The following DLG2 variants were observed in gnomAD, a reference collection of about 807,000 sequenced individuals.
The protein encoded by DLG2 is disks large homolog 2.
DLG2 carries 45 observed loss-of-function variants against 132.5 expected under a neutral mutation model. That is an observed-to-expected ratio of 0.34 (90% CI 0.27 to 0.44). DLG2 has a LOEUF of 0.44. DLG2 is among the 20% of genes least tolerant of loss of function. The pLI, the probability that DLG2 is intolerant of heterozygous loss-of-function variation, is 1.00. For synonymous variants in DLG2, 424 were observed against 419.6 expected (o/e 1.01, Z -0.13); for missense variants, 1,045 against 1,196.9 (o/e 0.87, Z 1.87).
At chr11:85,421,278 C>A (rs1160845942) in intron 3 of DLG2, among the ~76,000 whole-genome samples, 1 of 152,052 alleles carries the variant, frequency 6.6e-6, no homozygotes, top group Non-Finnish European at 1.5e-5. Context: ...GTTGCACCCA[C>A]TGTTTAACCA....
intron 22 of DLG2, among the ~76,000 whole-genome samples, chr11:83,481,122 A>C (rs1387647058): frequency 6.6e-6 from 1 of 152,096 alleles, no homozygotes; most frequent in East Asian, 1.9e-4. Context: ...CAGGCAGGAG[A>C]TAAATGGCCT....
rs1414256263 is a variant in DLG2, at chr11:83,465,778, C to T, written c.2729+930G>A. Among the ~76,000 whole-genome samples, 8 of 152,118 alleles carry T rather than the reference C, an allele frequency of 5.3e-5. No individual in the cohort carries two copies. In the South Asian group the frequency reaches 1.2e-3, roughly 24 times the overall value. Reference sequence around the variant, plus strand: ...CTATGAGGTATTTATTAGTATGCCTCGTTTCGAGGTGAGGAGCTAAATCTT... The same window carrying T: ...CTATGAGGTATTTATTAGTATGCCTTGTTTCGAGGTGAGGAGCTAAATCTT... On this transcript the variant is annotated intron_variant, in intron 26 of 27. Transcript: ENST00000376104.
intron 6 of DLG2, among the ~76,000 whole-genome samples, chr11:84,703,951 C>A (rs2059514974): frequency 6.8e-6 from 1 of 146,166 alleles, no homozygotes; most frequent in Admixed American, 6.9e-5. Context: ...ATACATTCCC[C>A]AGAATAGCAC....
chr11:85,266,003 C>T (rs915775952), intron 4 of DLG2, among the ~76,000 whole-genome samples: 2 of 152,332 alleles, frequency 1.3e-5, no homozygotes, highest in South Asian at 2.1e-4. Context: ...AATGTGGGTA[C>T]CCAAAAAGGC....
intron 21 of DLG2, among the ~76,000 whole-genome samples, chr11:83,496,184 A>C (rs542604143): frequency 1.6e-4 from 24 of 147,422 alleles, no homozygotes; most frequent in Non-Finnish European, 2.8e-4. Context: ...ATTTAACATA[A>C]GATATATATA....
chr11:85,502,991 A>C (rs564630504), intron 3 of DLG2, among the ~76,000 whole-genome samples: 29 of 152,246 alleles, frequency 1.9e-4, no homozygotes, highest in Admixed American at 3.9e-4. Context: ...TATACCAATA[A>C]AAAATGAACA....
intron 2 of DLG2, among the ~76,000 whole-genome samples, chr11:85,602,405 T>G (rs1162423806): frequency 6.6e-6 from 1 of 152,108 alleles, no homozygotes; most frequent in African/African-American, 2.4e-5. Context: ...TCTTTTTTCT[T>G]TCTGTCTTTG....
intron 10 of DLG2, among the ~76,000 whole-genome samples, chr11:84,094,824 C>A (rs539413145): frequency 1.3e-5 from 2 of 152,194 alleles, no homozygotes; most frequent in South Asian, 4.1e-4. Context: ...AAGGCCATAG[C>A]AATTTATAAT....
intron 3 of DLG2, among the ~76,000 whole-genome samples, chr11:85,485,142 A>T (rs1565565544): frequency 6.6e-6 from 1 of 152,006 alleles, no homozygotes; most frequent in Non-Finnish European, 1.5e-5. Context: ...CATAGGTGGG[A>T]ATTGAACAAT....
chr11:84,670,583 A>G (rs920999207), intron 6 of DLG2, among the ~76,000 whole-genome samples: 9 of 152,132 alleles, frequency 5.9e-5, no homozygotes, highest in African/African-American at 2.2e-4. Context: ...CTGGTGGCAT[A>G]ATATAATAAT....
intron 7 of DLG2, among the ~76,000 whole-genome samples, chr11:84,292,363 T>G (rs1425188829): frequency 6.6e-6 from 1 of 152,156 alleles, no homozygotes; most frequent in Non-Finnish European, 1.5e-5. Context: ...TAGGTAAGTT[T>G]GAAAAATGGG....
intron 6 of DLG2, among the ~76,000 whole-genome samples, chr11:85,070,412 A>T (rs2065669856): frequency 6.6e-6 from 1 of 151,822 alleles, no homozygotes; most frequent in South Asian, 2.1e-4. Flanking sequence ...CTAAGTGTTT[A>T]TCAGTAGATA....
intron 12 of DLG2, among the ~76,000 whole-genome samples, chr11:83,978,312 G>T (rs1014671080): frequency 6.6e-6 from 1 of 151,940 alleles, no homozygotes; most frequent in Admixed American, 6.6e-5. Flanking sequence ...AAACTCATAT[G>T]GAACCGTGAG....
chr11:83,686,002 CTCTG>C (rs1371402374), intron 18 of DLG2, among the ~76,000 whole-genome samples: 3 of 152,030 alleles, frequency 2.0e-5, no homozygotes, highest in Non-Finnish European at 4.4e-5. Context: ...AAAATGTACC[CTCTG>C]TCTTTTTTCC....
At chr11:84,120,288 TAGAC>T (rs2093845213) in intron 9 of DLG2, among the ~76,000 whole-genome samples, 1 of 152,098 alleles carries the variant, frequency 6.6e-6, no homozygotes, top group Non-Finnish European at 1.5e-5. Context: ...ATAAACTAAG[TAGAC>T]CCAAATGGAA....
chr11:83,734,398 T>TC (rs2091579284), intron 18 of DLG2, among the ~76,000 whole-genome samples: 1 of 144,352 alleles, frequency 6.9e-6, no homozygotes. Flanking sequence ...CTTCCTTCCT[T>TC]CCTTCCTTCC....
intron 4 of DLG2, among the ~76,000 whole-genome samples, chr11:85,253,473 G>A (rs138477908): frequency 6.6e-6 from 1 of 152,136 alleles, no homozygotes; most frequent in East Asian, 1.9e-4. Flanking sequence ...CCAGAGGGAG[G>A]GTGAATAGAA....
intron 3 of DLG2, among the ~76,000 whole-genome samples, chr11:85,549,029 T>A (rs2076500130): frequency 6.6e-6 from 1 of 151,650 alleles, no homozygotes; most frequent in African/African-American, 2.4e-5. Flanking sequence ...TGAGCACCAC[T>A]GGGGTATGAA....
At chr11:84,842,245 T>A (rs1409745035) in intron 6 of DLG2, among the ~76,000 whole-genome samples, 1 of 151,984 alleles carries the variant, frequency 6.6e-6, no homozygotes, top group East Asian at 1.9e-4. Context: ...CAAAATACTT[T>A]ACCTGAATTA....
Sources: allele counts gnomAD v4.1 joint callset (sites outside exome capture counted in the v4.1 genomes callset), GRCh38; gene constraint gnomAD v4.1.1; transcripts MANE v1.5; gene names NCBI Gene and HGNC (gene_info 2026-07-23, HGNC 2026-07-21).